Variants in IL1RAPL2 observed in about 807,000 individuals in gnomAD.
IL1RAPL2 encodes the protein X-linked interleukin-1 receptor accessory protein-like 2.
A neutral mutation model predicts 44.1 loss-of-function variants in IL1RAPL2; 3 were observed. That is an observed-to-expected ratio of 0.07 (90% CI 0.03 to 0.18). The LOEUF (loss-of-function observed/expected upper bound fraction) is 0.18. Ranked by LOEUF, IL1RAPL2 falls within the 10% of genes least tolerant of loss-of-function variation. The probability of loss-of-function intolerance (pLI) is 1.00; values close to 1 mark genes in which losing one functional copy is unlikely to be tolerated. For missense variants in IL1RAPL2, 391 were observed against 496.4 expected (o/e 0.79, Z 2.02); for synonymous variants, 181 against 178.8 (o/e 1.01, Z -0.10).
At chrX:104,730,095 T>C (rs1931873235) in intron 2 of IL1RAPL2, among the ~76,000 whole-genome samples, 1 of 111,289 alleles carries the variant, frequency 9.0e-6, no homozygotes, top group African/African-American at 3.3e-5. Context: ...AAACTCACTA[T>C]GAAGATATAT....
chrX:104,771,373 C>G (rs1323748426), intron 2 of IL1RAPL2, among the ~76,000 whole-genome samples: 1 of 112,384 alleles, frequency 8.9e-6, no homozygotes, highest in Non-Finnish European at 1.9e-5. Flanking sequence ...AATTGATTTA[C>G]TCTTCGTCAG....
intron 2 of IL1RAPL2, among the ~76,000 whole-genome samples, chrX:104,920,381 T>A (rs185359909): frequency 1.2e-3 from 129 of 110,488 alleles, no homozygotes; most frequent in African/African-American, 4.0e-3. Flanking sequence ...AATCTCATGT[T>A]GAATTATGAT....
chrX:105,743,066 C>G (rs2038513633), intron 8 of IL1RAPL2, among the ~76,000 whole-genome samples: 1 of 111,738 alleles, frequency 8.9e-6, no homozygotes, highest in Non-Finnish European at 1.9e-5. Flanking sequence ...TCACTACCCA[C>G]ATCCTCTTCT....
intron 2 of IL1RAPL2, among the ~76,000 whole-genome samples, chrX:105,067,283 C>T (rs1049775292): frequency 9.0e-6 from 1 of 110,679 alleles, no homozygotes; most frequent in African/African-American, 3.3e-5. Flanking sequence ...CATACAGAGA[C>T]CCTTTCCATC....
chrX:105,316,779 G>A (rs1279582449), intron 5 of IL1RAPL2, among the ~76,000 whole-genome samples: 2 of 112,103 alleles, frequency 1.8e-5, no homozygotes, highest in African/African-American at 3.2e-5. Flanking sequence ...ACTGTGTAAT[G>A]ACACAATTCA....
At chrX:104,787,804 G>T (rs919969246) in intron 2 of IL1RAPL2, among the ~76,000 whole-genome samples, 71 of 111,516 alleles carry the variant, frequency 6.4e-4, no homozygotes, top group African/African-American at 2.2e-3. Context: ...TGATTCAGGA[G>T]CTCTGAATAG....
intron 1 of IL1RAPL2, among the ~76,000 whole-genome samples, chrX:104,620,285 C>T (rs1929361532): frequency 9.1e-6 from 1 of 109,936 alleles, no homozygotes; most frequent in African/African-American, 3.3e-5. Flanking sequence ...TATAGAACTT[C>T]TCCATGTAAC....
chrX:104,870,250 C>G (rs1922725460), intron 2 of IL1RAPL2, among the ~76,000 whole-genome samples: 1 of 112,244 alleles, frequency 8.9e-6, no homozygotes, highest in African/African-American at 3.2e-5. Context: ...CTCACAACAA[C>G]TCTATGAGGA....
chrX:104,844,476 A>G (rs977875788), intron 2 of IL1RAPL2, among the ~76,000 whole-genome samples: 12 of 111,741 alleles, frequency 1.1e-4, no homozygotes, highest in African/African-American at 3.6e-4. Flanking sequence ...TTTCCAGGAA[A>G]GAAATATAGT....
At chrX:105,397,523 A>G (rs1415188799) in intron 5 of IL1RAPL2, among the ~76,000 whole-genome samples, 1 of 111,457 alleles carries the variant, frequency 9.0e-6, no homozygotes, top group African/African-American at 3.3e-5. Flanking sequence ...GAGACAAAAC[A>G]TCAATGGAAT....
At chrX:104,567,444 G>A (rs1340672258) in intron 1 of IL1RAPL2, among the ~76,000 whole-genome samples, 1 of 112,679 alleles carries the variant, frequency 8.9e-6, no homozygotes, top group Non-Finnish European at 1.9e-5. Context: ...AGCAACTGGA[G>A]CTGGGAAGAG....
intron 5 of IL1RAPL2, among the ~76,000 whole-genome samples, chrX:105,443,642 G>T: frequency 8.9e-6 from 1 of 112,111 alleles, no homozygotes; most frequent in Non-Finnish European, 1.9e-5. Flanking sequence ...TTAACATAAT[G>T]ATCTCAAATT....
At chrX:104,586,134 A>C (rs914549264) in intron 1 of IL1RAPL2, among the ~76,000 whole-genome samples, 1 of 111,859 alleles carries the variant, frequency 8.9e-6, no homozygotes, top group Non-Finnish European at 1.9e-5. Context: ...ATTAATAGCC[A>C]TTCTGACTAG....
intron 2 of IL1RAPL2, among the ~76,000 whole-genome samples, chrX:104,703,214 T>C (rs1369578333): frequency 1.8e-5 from 2 of 111,385 alleles, no homozygotes; most frequent in Non-Finnish European, 3.8e-5. Flanking sequence ...AGTTAGGATA[T>C]CCAGTGCCGT....
At chrX:104,937,442 A>T in intron 2 of IL1RAPL2, among the ~76,000 whole-genome samples, 1 of 111,982 alleles carries the variant, frequency 8.9e-6, no homozygotes, top group Non-Finnish European at 1.9e-5. Flanking sequence ...ATGGAAAAGG[A>T]GAGAGTGGAG....
At chrX:105,635,049 T>G (rs1286615360) in intron 6 of IL1RAPL2, among the ~76,000 whole-genome samples, 2 of 111,482 alleles carry the variant, frequency 1.8e-5, no homozygotes, top group African/African-American at 6.5e-5. Context: ...CTTTGAAGAA[T>G]GTGTTGGATT....
intron 2 of IL1RAPL2, among the ~76,000 whole-genome samples, chrX:104,994,593 A>C (rs966754493): frequency 9.0e-6 from 1 of 111,710 alleles, no homozygotes; most frequent in East Asian, 2.8e-4. Context: ...TAACTTTTAC[A>C]TAGTCCAAAT....
chrX:105,659,305 AAC>A (rs746965844), intron 6 of IL1RAPL2, among the ~76,000 whole-genome samples: 6 of 111,418 alleles, frequency 5.4e-5, no homozygotes, highest in African/African-American at 9.8e-5. Flanking sequence ...AATCCAAGAT[AAC>A]ACAGAGAAGG....
At chrX:105,557,207 C>T (rs768419985) in intron 6 of IL1RAPL2, among the ~76,000 whole-genome samples, 3 of 111,766 alleles carry the variant, frequency 2.7e-5, no homozygotes, top group Non-Finnish European at 5.7e-5. Context: ...TCACAATCCC[C>T]CTCTTTCTCT....
Sources: allele counts gnomAD v4.1 joint callset (sites outside exome capture counted in the v4.1 genomes callset), GRCh38; gene constraint gnomAD v4.1.1; transcripts MANE v1.5; gene names NCBI Gene and HGNC (gene_info 2026-07-23, HGNC 2026-07-21).